BMERB1: variants seen among roughly 807,000 people sequenced by gnomAD.
BMERB1 encodes bMERB domain containing 1.
A neutral mutation model predicts 23.6 loss-of-function variants in BMERB1; 12 were observed. That is an observed-to-expected ratio of 0.51 (90% CI 0.33 to 0.82). The LOEUF (loss-of-function observed/expected upper bound fraction) is 0.82. BMERB1 is among the 40% of genes least tolerant of loss of function. BMERB1 has a pLI of 0.03. For synonymous variants in BMERB1, 122 were observed against 96.6 expected, an observed-to-expected ratio of 1.26 and a Z score of -1.54; for missense variants, 247 against 255.4, an observed-to-expected ratio of 0.97 and a Z score of 0.22.
intron 1 of BMERB1, among the ~76,000 whole-genome samples, chr16:15,496,840 C>G (rs2051478188): frequency 6.6e-6 from 1 of 152,110 alleles, no homozygotes; most frequent in Non-Finnish European, 1.5e-5. Flanking sequence ...GCCAGGCCCA[C>G]AAGGGAAATT....
chr16:15,519,617 C>T (rs901854999), intron 2 of BMERB1, among the ~76,000 whole-genome samples: 3 of 152,058 alleles, frequency 2.0e-5, no homozygotes, highest in African/African-American at 7.2e-5. Flanking sequence ...TCTTGAACTC[C>T]TGGCCTCAAG....
At chr16:15,534,097 C>A (rs543219425) in intron 2 of BMERB1, among the ~76,000 whole-genome samples, 12 of 151,958 alleles carry the variant, frequency 7.9e-5, no homozygotes, top group Admixed American at 1.3e-4. Flanking sequence ...TATCCTACTC[C>A]CACAGGTCAT....
intron 1 of BMERB1, among the ~76,000 whole-genome samples, chr16:15,469,246 A>G (rs2051209696): frequency 1.3e-5 from 2 of 152,114 alleles, no homozygotes; most frequent in Non-Finnish European, 2.9e-5. Context: ...GATTACAGGC[A>G]TGAGCCACTG....
At chr16:15,444,213 G>T (rs1344406830) in intron 1 of BMERB1, among the ~76,000 whole-genome samples, 1 of 142,526 alleles carries the variant, frequency 7.0e-6, no homozygotes, top group East Asian at 2.1e-4. Context: ...ATATGAATGG[G>T]CTTGGGGGTT....
At chr16:15,541,397 T>C (rs1184818616) in intron 2 of BMERB1, among the ~76,000 whole-genome samples, 1 of 148,250 alleles carries the variant, frequency 6.7e-6, no homozygotes, top group African/African-American at 2.5e-5. Context: ...GGTCAGCGAG[T>C]GGGACTGGAA....
intron 1 of BMERB1, among the ~76,000 whole-genome samples, chr16:15,512,012 CAAAAAAAAAAAAA>C (rs57021793): frequency 2.3e-4 from 14 of 61,148 alleles, no homozygotes; most frequent in Admixed American, 1.6e-3. Flanking sequence ...GACTTGCTCT[CAAAAAAAAAAAAA>C]AAAAAAAAAA....
At chr16:15,441,316 T>C (rs1164131380) in intron 1 of BMERB1, among the ~76,000 whole-genome samples, 1 of 151,688 alleles carries the variant, frequency 6.6e-6, no homozygotes, top group Non-Finnish European at 1.5e-5. Context: ...CCTCCTGGGC[T>C]CAATGGATTC....
At chr16:15,557,909 G>A (rs2030308836) in intron 2 of BMERB1, among the ~76,000 whole-genome samples, 1 of 152,246 alleles carries the variant, frequency 6.6e-6, no homozygotes, top group East Asian at 1.9e-4. Flanking sequence ...GCCAGGCTTG[G>A]TGGTGGATGC....
intron 1 of BMERB1, among the ~76,000 whole-genome samples, chr16:15,461,388 TC>T (rs1433633220): frequency 6.6e-6 from 1 of 152,088 alleles, no homozygotes; most frequent in Non-Finnish European, 1.5e-5. Context: ...TTGGTTCCCA[TC>T]TTACCGAACC....
intron 1 of BMERB1, among the ~76,000 whole-genome samples, chr16:15,498,739 G>A (rs1485939044): frequency 6.6e-6 from 1 of 152,208 alleles, no homozygotes; most frequent in Non-Finnish European, 1.5e-5. Context: ...AAGACTCTGA[G>A]TCTAAACCCG....
chr16:15,452,791 C>T (rs939882800), intron 1 of BMERB1, among the ~76,000 whole-genome samples: 13 of 152,070 alleles, frequency 8.5e-5, no homozygotes, highest in African/African-American at 3.1e-4. Context: ...CTAAGTGTAT[C>T]GGACCAGCTA....
At chr16:15,503,667 A>G (rs2051554214) in intron 1 of BMERB1, among the ~76,000 whole-genome samples, 1 of 152,106 alleles carries the variant, frequency 6.6e-6, no homozygotes, top group South Asian at 2.1e-4. Context: ...AGGGACAAGT[A>G]TATCATCCCA....
At chr16:15,564,599 T>TC in intron 2 of BMERB1, among the ~76,000 whole-genome samples, 1 of 152,226 alleles carries the variant, frequency 6.6e-6, no homozygotes. Context: ...GGTTTCCACA[T>TC]CCAGATGAGA....
chr16:15,510,479 A>G (rs892825320), intron 1 of BMERB1, among the ~76,000 whole-genome samples: 1 of 152,180 alleles, frequency 6.6e-6, no homozygotes, highest in Non-Finnish European at 1.5e-5. Context: ...GGCAATTGCA[A>G]GCATATATTA....
chr16:15,459,800 A>G (rs1269047141), intron 1 of BMERB1, among the ~76,000 whole-genome samples: 1 of 152,210 alleles, frequency 6.6e-6, no homozygotes, highest in East Asian at 1.9e-4. Flanking sequence ...AAGAAATCAC[A>G]GTAGCACTAA....
chr16:15,546,476 A>T (rs568255568), intron 2 of BMERB1, among the ~76,000 whole-genome samples: 1 of 152,292 alleles, frequency 6.6e-6, no homozygotes, highest in Admixed American at 6.5e-5. Context: ...TGCTTATTCT[A>T]GTGACCCAAT....
chr16:15,482,574 C>T (rs1043636556), intron 1 of BMERB1, among the ~76,000 whole-genome samples: 3 of 152,064 alleles, frequency 2.0e-5, no homozygotes, highest in African/African-American at 2.4e-5. Flanking sequence ...TTGAGTCACT[C>T]GACAATCCAA....
At chr16:15,458,269 T>C (rs1449745665) in intron 1 of BMERB1, among the ~76,000 whole-genome samples, 1 of 152,198 alleles carries the variant, frequency 6.6e-6, no homozygotes, top group Non-Finnish European at 1.5e-5. Context: ...GACTTTCTTA[T>C]CTGGGTCACT....
chr16:15,558,043 C>CA (rs201945263), intron 2 of BMERB1, among the ~76,000 whole-genome samples: 201 of 148,178 alleles, frequency 1.4e-3, no homozygotes, highest in Middle Eastern at 0.011. Context: ...GACTCCGTCT[C>CA]AAAAAAAAAA....
Sources: allele counts gnomAD v4.1 joint callset (sites outside exome capture counted in the v4.1 genomes callset), GRCh38; gene constraint gnomAD v4.1.1; transcripts MANE v1.5; gene names NCBI Gene and HGNC (gene_info 2026-07-23, HGNC 2026-07-21).